The following ADAM8 variants were observed in gnomAD, a reference collection of about 807,000 sequenced individuals.
The protein encoded by ADAM8 is ADAM metallopeptidase domain 8.
In ADAM8, 104 loss-of-function variants were observed where a neutral mutation model predicts 102.4. The observed-to-expected ratio is 1.02, with a 90% CI of 0.87 to 1.20. The LOEUF is 1.20. Among genes scored for constraint, ADAM8 ranks in the 50% most tolerant of loss-of-function variants. The pLI is 0.00. For synonymous variants in ADAM8, 517 were observed against 485.2 expected (o/e 1.07, Z -0.86); for missense variants, 1,132 against 1,159.0 (o/e 0.98, Z 0.34).
chr10:133,269,447 G>C lies in ADAM8; in HGVS notation c.1946C>G (p.Ala649Gly). 6.3e-7 allele frequency: 1 copy of C among 1,591,304 alleles called. No homozygotes were observed. Among genetic ancestry groups the C allele is most frequent in the Non-Finnish European group, 8.5e-7 (1 of 1,173,404 alleles). The change falls in exon 18 of 23, where the codon GCA (alanine) becomes GGA (glycine). Residue 649 changes from alanine (A) to glycine (G), a missense_variant and splice_region_variant. Physicochemically the swap from Ala to Gly is moderately conservative, Grantham distance 60. Transcript: ENST00000445355. ...CTGCGCTGGCCAGGGAGGCCTACCTGCGTGCACCTCAGTCAGCAGCTTCGC... is the reference window on the plus strand; with the variant it reads ...CTGCGCTGGCCAGGGAGGCCTACCTCCGTGCACCTCAGTCAGCAGCTTCGC... ...HCAKLLTEVH[A>G]ASGSLPVFVV... is the part of the protein sequence containing the mutation.
rs1274196420 is a variant in ADAM8, at chr10:133,263,253, A to G, written c.2398-20T>C. The G allele has an allele frequency of 5.7e-6, 9 of 1,583,956 alleles. No homozygotes were observed. Among genetic ancestry groups the G allele is most frequent in the Non-Finnish European group, 7.7e-6 (9 of 1,164,330 alleles). On this transcript the variant is annotated intron_variant, in intron 22 of 22. Transcript: ENST00000445355. ...AGCACCCTGGGAGGAGGAAAAGATA[A>G]TTGATGTTGAAAAACTACCTGCTAT...
rs1846777460 is a variant in ADAM8 at position 133,276,858 on chromosome 10, G to C, written c.-41C>G. The C allele has an allele frequency of 6.6e-7, 1 of 1,510,858 alleles. No homozygotes were observed. The highest frequency in any genetic ancestry group is 1.4e-5 in the African/African-American group (1 of 69,228). The allele number at this position is 1,510,858 out of a possible 1,614,324, so 93.6% of individuals were successfully genotyped here. A position where few individuals can be genotyped will look rare whatever the true frequency, so the allele number is the denominator to read the frequency against. ...CAGAGGCGGAGGTGACAGCCCCGCG[G>C]GACACGGTCTGGTTCCTGCGCTCCT... On this transcript the variant is annotated 5_prime_UTR_variant, in exon 1 of 23. Coordinates refer to ENST00000445355, the MANE Select transcript of ADAM8 (RefSeq NM_001109.5).
Position 133,272,990 on chromosome 10 carries a change from G to T in ADAM8, c.603C>A (p.Tyr201Ter). The T allele has an allele frequency of 6.2e-7, 1 of 1,612,820 alleles. No individual in the cohort carries two copies. Among genetic ancestry groups the T allele is most frequent in the Non-Finnish European group, 8.5e-7 (1 of 1,179,900 alleles). ...GDSLPSRETR[Y>*]VELYVVVDNA... is the part of the protein sequence containing the mutation. ...TGTCCACGACCACATACAGCTCCAC[G>T]TAGCGGGTCTCTCGGGATGGCAGAG... Residue 201 changes from tyrosine (Y) to a stop codon, truncating the protein, a stop_gained, in exon 7 of 23, where the codon TAC becomes TAA. Transcript: ENST00000445355. LOFTEE classifies it high-confidence loss of function.
intron 21 of ADAM8, among the ~76,000 whole-genome samples, chr10:133,266,550 C>G (rs1355337086): frequency 2.6e-5 from 4 of 152,182 alleles, no homozygotes; most frequent in Non-Finnish European, 5.9e-5. Flanking sequence ...GACCTCTTCA[C>G]ACAGGCACCT....
chr10:133,266,920 T>C (rs1195583173), intron 21 of ADAM8, among the ~76,000 whole-genome samples: 2 of 152,092 alleles, frequency 1.3e-5, no homozygotes, highest in African/African-American at 4.8e-5. Flanking sequence ...ATGCCAGGGC[T>C]CCAGTGATTC....
chr10:133,266,172 C>A (rs1353443608), intron 21 of ADAM8, among the ~76,000 whole-genome samples: 1 of 152,068 alleles, frequency 6.6e-6, no homozygotes, highest in South Asian at 2.1e-4. Context: ...GCTGGCCACA[C>A]TTCCAAAGGG....
chr10:133,276,796 G>A lies in ADAM8; in HGVS notation c.22C>T (p.Leu8=). The change falls in exon 1 of 23, where the codon CTG becomes TTG. Residue 8 remains leucine, a synonymous_variant. Transcript: ENST00000445355. ...CCAGGCAGCATCATCGCGCCCAGCA[G>A]CCAGAGCCCGAGGCCGCGCATGGCC... MRGLGLW[L]LGAMMLPAIA... 1 of 1,532,508 alleles carries A rather than the reference G, an allele frequency of 6.5e-7. No individual in the cohort carries two copies. Among genetic ancestry groups the A allele is most frequent in the African/African-American group, 1.4e-5 (1 of 70,742 alleles). The allele number at this position is 1,532,508 out of a possible 1,614,324, so 94.9% of individuals were successfully genotyped here. A position where few individuals can be genotyped will look rare whatever the true frequency, so the allele number is the denominator to read the frequency against.
At chr10:133,264,851 C>G (rs1401929609) in intron 21 of ADAM8, among the ~76,000 whole-genome samples, 1 of 149,064 alleles carries the variant, frequency 6.7e-6, no homozygotes, top group Admixed American at 6.6e-5. Context: ...AGCCTCTGCC[C>G]CATCTACCTC....
chr10:133,263,967 GCAGAACGCCATCCTGGGCCCACCTGCC>G, intron 21 of ADAM8: 3 of 456,984 alleles, frequency 6.6e-6, no homozygotes, highest in Non-Finnish European at 7.7e-6. Context: ...CCCATCAGTG[GCAGAACGCCATCCTGGGCCCACCTGCC>G]CAGTACACCA....
At position 133,268,811 on chromosome 10, in the gene ADAM8, A is replaced by G. The variant is rs762769062; in HGVS notation, c.2000T>C (p.Val667Ala). 1 of 1,610,620 alleles carries G rather than the reference A, an allele frequency of 6.2e-7. No individual in the cohort carries two copies. ...GATGCCTGCCAGGGTGACCAGCACA[A>G]CTGCCAGGAGCACCAGAACCACCAC... ...FVVVVLVLLA[V>A]VLVTLAGIIV... The change falls in exon 19 of 23, where the codon GTT becomes GCT. Residue 667 changes from valine (V) to alanine (A), a missense_variant. By Grantham distance (64) the Val-to-Ala change is moderately conservative (BLOSUM62 0). Transcript: ENST00000445355.
Position 133,269,447 on chromosome 10 carries a change from G to A in ADAM8, c.1946C>T (p.Ala649Val), listed in dbSNP as rs1185837021. 3 of 1,591,304 alleles carry A rather than the reference G, an allele frequency of 1.9e-6. No individual in the cohort carries two copies. Among genetic ancestry groups the A allele is most frequent in the East Asian group, 2.2e-5 (1 of 44,518 alleles). Reference sequence around the variant, plus strand: ...CTGCGCTGGCCAGGGAGGCCTACCTGCGTGCACCTCAGTCAGCAGCTTCGC... The same window carrying A: ...CTGCGCTGGCCAGGGAGGCCTACCTACGTGCACCTCAGTCAGCAGCTTCGC... ...HCAKLLTEVH[A>V]ASGSLPVFVV... is the part of the protein sequence containing the mutation. The change falls in exon 18 of 23, where the codon GCA becomes GTA. Residue 649 changes from alanine to valine, a missense_variant and splice_region_variant. By Grantham distance (64) the Ala-to-Val change is moderately conservative (BLOSUM62 0). Transcript: ENST00000445355.
rs3008326 is a variant in ADAM8 at position 133,274,017 on chromosome 10, G to A, written c.240C>T (p.Gly80=). The A allele has an allele frequency of 0.81, 1,304,922 of 1,605,162 alleles. 535,552 individuals are homozygous for A. Among genetic ancestry groups the A allele is most frequent in the East Asian group, 0.92 (40,912 of 44,572 alleles). The change falls in exon 4 of 23, where the codon GGC becomes GGT. Residue 80 remains glycine (G), a synonymous_variant. Coordinates refer to ENST00000445355, the MANE Select transcript of ADAM8 (RefSeq NM_001109.5). ...LHLRKNRDLL[G]SGYTETYTAA... is the part of the protein sequence containing the mutation. Reference sequence around the variant, plus strand: ...CCGTATAGGTCTCTGTGTAGCCGGAGCCCAGCAGGTCCCTGGAAAAGAAGT... The same window carrying A: ...CCGTATAGGTCTCTGTGTAGCCGGAACCCAGCAGGTCCCTGGAAAAGAAGT...
chr10:133,262,799 G>A lies in ADAM8; in HGVS notation c.*357C>T, dbSNP rs1846201821. 7 of 271,524 alleles carry A rather than the reference G, an allele frequency of 2.6e-5. 1 individual carries two copies. The South Asian group carries it at 3.1e-4, about 12-fold the overall frequency. 16.8% of individuals were successfully genotyped at this position (271,524 alleles called of 1,614,324 possible). On this transcript the variant is annotated 3_prime_UTR_variant, in exon 23 of 23. Coordinates refer to ENST00000445355, the MANE Select transcript of ADAM8 (RefSeq NM_001109.5). ...AGGGCAGCCGGCTCAGCAGGCCCCA[G>A]AGCAGGGGCAGGTGTGGCTGGGAGG...
chr10:133,270,451 A>G lies in ADAM8; in HGVS notation c.1694T>C (p.Ile565Thr). 1 of 1,606,166 alleles carries G rather than the reference A, an allele frequency of 6.2e-7. No homozygotes were observed. Among genetic ancestry groups the G allele is most frequent in the East Asian group, 2.2e-5 (1 of 44,568 alleles). Reference protein sequence around the residue: ...KGGQQPLGRAICIVDVCHALT... With the variant: ...KGGQQPLGRATCIVDVCHALT... ...CGCGTGGCACACATCCACGATGCAG[A>G]TGGCACGCCCCAGGGGCTGCTGCCC... The change falls in exon 16 of 23, where the codon ATC (isoleucine) becomes ACC (threonine). Residue 565 changes from isoleucine (I) to threonine (T), a missense_variant. Coordinates refer to ENST00000445355, the MANE Select transcript of ADAM8 (RefSeq NM_001109.5).
chr10:133,268,545 T>C lies in ADAM8; in HGVS notation c.2063+203A>G, dbSNP rs1345364269. Among the ~76,000 whole-genome samples the C allele has an allele frequency of 5.3e-5, 8 of 152,136 alleles. No homozygotes were observed. The East Asian group carries it at 1.5e-3, about 29-fold the overall frequency. Reference sequence around the variant, plus strand: ...GCCCCGCCCCAGCCTCAGGGGAAGGTGGAGTCCAGAGTGGCACTGGCCGAG... The same window carrying C: ...GCCCCGCCCCAGCCTCAGGGGAAGGCGGAGTCCAGAGTGGCACTGGCCGAG... On this transcript the variant is annotated intron_variant, in intron 19 of 22. Transcript: ENST00000445355.
At chr10:133,268,921 G>A in intron 18 of ADAM8, 59 bp from the exon 19 acceptor site, 1 of 1,570,212 alleles carries the variant, frequency 6.4e-7, no homozygotes, top group Non-Finnish European at 8.6e-7. Context: ...CAGGAGCCAG[G>A]GAGGTTCCCA....
rs577818610 is a variant in ADAM8, at chr10:133,268,916, G to T, written c.1949-54C>A. ...AGGCAGGCCGCGACCTCAGGCAGGA[G>T]CCAGGGAGGTTCCCAGAGACACGGT... On this transcript the variant is annotated intron_variant, in intron 18 of 22. Coordinates refer to ENST00000445355, the MANE Select transcript of ADAM8 (RefSeq NM_001109.5). The T allele has an allele frequency of 1.2e-5, 19 of 1,574,924 alleles. No homozygotes were observed. The East Asian group carries it at 4.4e-4, about 36-fold the overall frequency.
At chr10:133,275,315 C>A (rs533815101) in intron 2 of ADAM8, among the ~76,000 whole-genome samples, 169 bp downstream of exon 2, 22 of 152,180 alleles carry the variant, frequency 1.4e-4, no homozygotes, top group Non-Finnish European at 2.4e-4. Context: ...TGGGAGCCCT[C>A]AGGCAGTGCT....
intron 21 of ADAM8, among the ~76,000 whole-genome samples, chr10:133,265,391 G>A (rs1317225319): frequency 1.3e-5 from 2 of 152,166 alleles, no homozygotes; most frequent in Non-Finnish European, 2.9e-5. Flanking sequence ...CCCCCTTCAG[G>A]CCCCCATTTT....
Sources: allele counts gnomAD v4.1 joint callset (sites outside exome capture counted in the v4.1 genomes callset), GRCh38; gene constraint gnomAD v4.1.1; transcripts MANE v1.5; gene names NCBI Gene and HGNC (gene_info 2026-07-23, HGNC 2026-07-21).